Variants in COL5A2 observed in about 807,000 individuals in gnomAD.
COL5A2 encodes collagen alpha-2(V) chain.
Under a neutral mutation model 208.2 loss-of-function variants are expected in COL5A2, and 23 were observed. The ratio of observed to expected loss-of-function variants is 0.11; its 90% CI spans 0.08 to 0.16. The LOEUF (loss-of-function observed/expected upper bound fraction) is 0.16. Ranked by LOEUF, COL5A2 falls within the 10% of genes least tolerant of loss-of-function variation. The pLI, the probability that COL5A2 is intolerant of heterozygous loss-of-function variation, is 1.00. For missense variants in COL5A2, 1,590 were observed against 1,956.4 expected, an observed-to-expected ratio of 0.81 and a Z score of 3.53; for synonymous variants, 625 against 628.5, an observed-to-expected ratio of 0.99 and a Z score of 0.08.
intron 18 of COL5A2, among the ~76,000 whole-genome samples, chr2:189,071,633 G>T (rs369986036): frequency 4.6e-5 from 7 of 152,198 alleles, no homozygotes; most frequent in Admixed American, 3.3e-4. Context: ...CCTTTTGACA[G>T]CATCTAATTT....
the COL5A2 span, among the ~76,000 whole-genome samples, chr2:189,393,019 G>A: frequency 3.9e-5 from 6 of 151,918 alleles, no homozygotes; most frequent in Non-Finnish European, 7.4e-5. Context: ...AGAACTCTAC[G>A]CATAAATAAA....
intron 1 of COL5A2, among the ~76,000 whole-genome samples, chr2:189,201,872 A>C (rs1316763235): frequency 1.3e-5 from 2 of 151,938 alleles, no homozygotes; most frequent in Non-Finnish European, 2.9e-5. Context: ...GTACAAAAGG[A>C]AAACACAAGC....
intron 1 of COL5A2, among the ~76,000 whole-genome samples, chr2:189,163,070 T>C (rs1688400005): frequency 2.0e-5 from 3 of 152,122 alleles, no homozygotes; most frequent in Admixed American, 2.0e-4. Flanking sequence ...CAAGAACAAA[T>C]ATGATCTACT....
Position 189,192,743 on chromosome 2 carries a change from A to G in COL5A2, c.-42+32405T>C, listed in dbSNP as rs1559142496. Among the ~76,000 whole-genome samples the G allele has an allele frequency of 3.9e-5, 6 of 152,162 alleles. No individual in the cohort carries two copies. In the South Asian group the frequency reaches 1.0e-3, roughly 26 times the overall value. ...AGGACAAAACCAGTGCTACGGTTTG[A>G]ATGTCTCCTCCAAAATTCATCTTGA... On this transcript the variant is annotated intron_variant, in intron 1 of 10. Transcript: ENST00000649966.
intron 6 of COL5A2, among the ~76,000 whole-genome samples, chr2:189,093,013 A>G (rs1686820769): frequency 6.6e-6 from 1 of 152,210 alleles, no homozygotes; most frequent in Non-Finnish European, 1.5e-5. Flanking sequence ...AGCCTGGCAC[A>G]CTTTATTTTA....
intron 15 of COL5A2, 37 bp from the exon 16 acceptor site, chr2:189,078,606 C>T (rs375064944): frequency 7.7e-6 from 12 of 1,552,472 alleles, no homozygotes; most frequent in African/African-American, 5.4e-5. Context: ...CTTGAAGCAC[C>T]TAATTTGAAA....
chr2:189,419,005 AC>A, the COL5A2 span, among the ~76,000 whole-genome samples: 1 of 152,288 alleles, frequency 6.6e-6, no homozygotes. Context: ...AATAGTTACC[AC>A]CAAAACCCAA....
chr2:189,317,055 G>A, the COL5A2 span, among the ~76,000 whole-genome samples: 51 of 151,818 alleles, frequency 3.4e-4, no homozygotes, highest in East Asian at 5.8e-4. Context: ...AAATAAAAGC[G>A]TACATTCATA....
chr2:189,298,646 AGCAG>A, the COL5A2 span, among the ~76,000 whole-genome samples: 1 of 152,216 alleles, frequency 6.6e-6, no homozygotes, highest in Admixed American at 6.5e-5. Context: ...ACACTGGCTA[AGCAG>A]ACATTCAAAC....
the COL5A2 span, among the ~76,000 whole-genome samples, chr2:189,263,010 A>G: frequency 2.6e-5 from 4 of 152,146 alleles, no homozygotes; most frequent in African/African-American, 2.4e-5. Context: ...GTGTTTGCAT[A>G]TATAATGAAG....
the COL5A2 span, among the ~76,000 whole-genome samples, chr2:189,267,332 A>T: frequency 1.3e-5 from 2 of 152,162 alleles, no homozygotes; most frequent in African/African-American, 4.8e-5. Flanking sequence ...ATCTCTAAAA[A>T]TATTTATTAT....
At chr2:189,237,134 G>A in the COL5A2 span, among the ~76,000 whole-genome samples, 3 of 151,642 alleles carry the variant, frequency 2.0e-5, no homozygotes, top group Non-Finnish European at 4.4e-5. Flanking sequence ...TTTTGATCTA[G>A]AGGTTTACTG....
At chr2:189,142,270 GT>G (rs1355982693) in intron 1 of COL5A2, among the ~76,000 whole-genome samples, 2 of 151,740 alleles carry the variant, frequency 1.3e-5, no homozygotes, top group Non-Finnish European at 2.9e-5. Context: ...GAAAATCCTT[GT>G]TTTTTTATTT....
chr2:189,319,656 A>G, the COL5A2 span, among the ~76,000 whole-genome samples: 2 of 152,256 alleles, frequency 1.3e-5, no homozygotes, highest in African/African-American at 4.8e-5. Context: ...GTAGGTAAAC[A>G]AAGCGACCAG....
At chr2:189,166,369 A>G (rs1259350544) in intron 1 of COL5A2, among the ~76,000 whole-genome samples, 1 of 152,064 alleles carries the variant, frequency 6.6e-6, no homozygotes, top group East Asian at 1.9e-4. Flanking sequence ...GGAAAGGGAC[A>G]TTATGGGCAG....
chr2:189,100,237 G>A, intron 3 of COL5A2, 98 bp from the exon 4 acceptor site: 1 of 905,680 alleles, frequency 1.1e-6, no homozygotes. Flanking sequence ...TAAACACAGG[G>A]AATTTCTATG....
chr2:189,163,496 G>A (rs554147585), intron 1 of COL5A2, among the ~76,000 whole-genome samples: 1 of 152,214 alleles, frequency 6.6e-6, no homozygotes, highest in Non-Finnish European at 1.5e-5. Context: ...ACAGCATCTA[G>A]GAACTTTATT....
In COL5A2 at chr2:189,179,722, G is replaced by C; in HGVS notation, c.-118C>G. The C allele has an allele frequency of 6.6e-7, 1 of 1,526,574 alleles. No individual in the cohort carries two copies. The highest frequency in any genetic ancestry group is 8.8e-7 in the Non-Finnish European group (1 of 1,136,398). 94.6% of individuals were successfully genotyped at this position (1,526,574 alleles called of 1,614,324 possible). A position where few individuals can be genotyped will look rare whatever the true frequency, so the allele number is the denominator to read the frequency against. ...CAGCACCAGCCCCAGGGCAGCCTCT[G>C]CAAACCCCCTTTTTCAGCACCAGCT... On this transcript the variant is annotated 5_prime_UTR_variant, in exon 1 of 54. Transcript: ENST00000374866.
the COL5A2 span, among the ~76,000 whole-genome samples, chr2:189,384,781 G>C: frequency 8.6e-5 from 13 of 151,974 alleles, no homozygotes; most frequent in African/African-American, 3.1e-4. Context: ...TTTTGCTTTT[G>C]TTGCCTGTGC....
Sources: gnomAD v4.1 joint callset for allele counts (sites outside exome capture counted in the v4.1 genomes callset) on GRCh38, gnomAD v4.1.1 for gene constraint, MANE v1.5 for transcripts, NCBI Gene and HGNC (gene_info 2026-07-23, HGNC 2026-07-21) for gene names.